TFDP2: variants seen among roughly 807,000 people sequenced by gnomAD.
The protein encoded by TFDP2 is transcription factor Dp-2.
In TFDP2, 17 loss-of-function variants were observed where a neutral mutation model predicts 59.3. That is an observed-to-expected ratio of 0.29 (90% CI 0.20 to 0.43). TFDP2 has a LOEUF of 0.43. Ranked by LOEUF, TFDP2 falls within the 20% of genes least tolerant of loss-of-function variation. TFDP2 has a pLI of 1.00. For synonymous variants in TFDP2, 180 were observed against 194.7 expected, an observed-to-expected ratio of 0.92 and a Z score of 0.63; for missense variants, 391 against 528.8, an observed-to-expected ratio of 0.74 and a Z score of 2.56.
intron 3 of TFDP2, among the ~76,000 whole-genome samples, chr3:142,064,404 G>T (rs964158217): frequency 1.3e-5 from 2 of 152,058 alleles, no homozygotes; most frequent in Non-Finnish European, 2.9e-5. Flanking sequence ...TCTCATGCTT[G>T]ATAAAATTCG....
chr3:142,115,045 G>A (rs73233896), intron 1 of TFDP2, among the ~76,000 whole-genome samples: 12,956 of 151,972 alleles, frequency 0.085, 695 homozygotes, highest in Middle Eastern at 0.14. Flanking sequence ...TACAAAGCAA[G>A]TCTTCCTTAA....
At chr3:142,141,998 A>G (rs757140787) in intron 1 of TFDP2, among the ~76,000 whole-genome samples, 2 of 152,210 alleles carry the variant, frequency 1.3e-5, no homozygotes, top group Non-Finnish European at 2.9e-5. Context: ...ATCATACTGA[A>G]TGGGGAAAAA....
At chr3:142,039,433 C>A (rs941699007) in intron 3 of TFDP2, among the ~76,000 whole-genome samples, 2 of 152,114 alleles carry the variant, frequency 1.3e-5, no homozygotes, top group Admixed American at 6.5e-5. Context: ...GTCACCCAGG[C>A]TGGAGTGTGG....
At chr3:141,965,148 CAA>C (rs1183852473) in intron 9 of TFDP2, among the ~76,000 whole-genome samples, 1 of 149,934 alleles carries the variant, frequency 6.7e-6, no homozygotes, top group Non-Finnish European at 1.5e-5. Flanking sequence ...GTATGCAGTT[CAA>C]GTTTTTCATC....
chr3:142,136,217 G>A (rs2062731912), intron 1 of TFDP2, among the ~76,000 whole-genome samples: 1 of 152,038 alleles, frequency 6.6e-6, no homozygotes, highest in Non-Finnish European at 1.5e-5. Flanking sequence ...AGAAGTATCT[G>A]TTCATATCCT....
chr3:142,014,792 T>G (rs1032735651), intron 3 of TFDP2, among the ~76,000 whole-genome samples: 4 of 152,266 alleles, frequency 2.6e-5, no homozygotes, highest in South Asian at 2.1e-4. Flanking sequence ...CACATAAACA[T>G]GCATAATTTC....
At chr3:142,117,094 T>C (rs1267765684) in intron 1 of TFDP2, among the ~76,000 whole-genome samples, 2 of 152,030 alleles carry the variant, frequency 1.3e-5, no homozygotes, top group Non-Finnish European at 2.9e-5. Context: ...GCTAATTTGG[T>C]ATTTTTAGTA....
chr3:142,138,618 C>T (rs2062822078), intron 1 of TFDP2, among the ~76,000 whole-genome samples: 1 of 152,180 alleles, frequency 6.6e-6, no homozygotes, highest in African/African-American at 2.4e-5. Context: ...GCCTTCATTT[C>T]ATTATGTACC....
chr3:142,054,771 A>G (rs1381151345), intron 3 of TFDP2, among the ~76,000 whole-genome samples: 1 of 152,192 alleles, frequency 6.6e-6, no homozygotes. Context: ...GGTCTGCAGT[A>G]AGTCATTTTA....
At chr3:142,079,425 CCTTAATAA>C (rs368595137) in intron 3 of TFDP2, among the ~76,000 whole-genome samples, 1 of 152,176 alleles carries the variant, frequency 6.6e-6, no homozygotes, top group African/African-American at 2.4e-5. Flanking sequence ...AAGTTGTTGG[CCTTAATAA>C]CTTAAGGTGG....
intron 1 of TFDP2, among the ~76,000 whole-genome samples, chr3:142,113,351 C>T (rs1031845384): frequency 7.2e-5 from 11 of 151,906 alleles, no homozygotes; most frequent in African/African-American, 2.7e-4. Context: ...CTCCGCCTCC[C>T]GGGTTCAAGC....
intron 3 of TFDP2, among the ~76,000 whole-genome samples, chr3:142,084,898 A>C (rs991721590): frequency 6.6e-6 from 1 of 151,982 alleles, no homozygotes; most frequent in Non-Finnish European, 1.5e-5. Context: ...AGAAAGAATA[A>C]ATAATATTTG....
chr3:142,005,637 G>T, intron 3 of TFDP2, 93 bp from the exon 4 acceptor site: 1 of 767,316 alleles, frequency 1.3e-6, no homozygotes, highest in Non-Finnish European at 2.0e-6. Flanking sequence ...TCATTATGTT[G>T]AGGTAATTTA....
At chr3:142,023,943 G>A (rs976034375) in intron 3 of TFDP2, among the ~76,000 whole-genome samples, 6 of 152,136 alleles carry the variant, frequency 3.9e-5, no homozygotes, top group African/African-American at 1.4e-4. Flanking sequence ...TGGGACCACA[G>A]GTGCGTGCCA....
intron 4 of TFDP2, among the ~76,000 whole-genome samples, chr3:142,004,841 T>G (rs1272918612): frequency 6.6e-6 from 1 of 152,106 alleles, no homozygotes; most frequent in Non-Finnish European, 1.5e-5. Context: ...ATAACACATT[T>G]CAAATCAATT....
chr3:142,030,402 G>A (rs1040446420), intron 3 of TFDP2, among the ~76,000 whole-genome samples: 1 of 152,104 alleles, frequency 6.6e-6, no homozygotes, highest in African/African-American at 2.4e-5. Flanking sequence ...AGATTTCAGA[G>A]GAGTTTTGAA....
chr3:142,028,359 T>C (rs1393426516), intron 3 of TFDP2, among the ~76,000 whole-genome samples: 1 of 152,140 alleles, frequency 6.6e-6, no homozygotes, highest in East Asian at 1.9e-4. Context: ...TTTTAATTAA[T>C]TTATATAAGT....
At chr3:142,008,102 C>G (rs980908867) in intron 3 of TFDP2, among the ~76,000 whole-genome samples, 8 of 152,106 alleles carry the variant, frequency 5.3e-5, no homozygotes, top group African/African-American at 1.9e-4. Flanking sequence ...GTGGAATCAC[C>G]TGGGGAACAA....
chr3:141,963,799 G>C lies in TFDP2; in HGVS notation c.884+13C>G, dbSNP rs764501881. ...AAGGCCAGCCCTGCACCCATCCCTA[G>C]TTCTCCACTCACTTGTCACTGGAGA... On this transcript the variant is annotated intron_variant, in intron 10 of 12. Coordinates refer to ENST00000489671, the MANE Select transcript of TFDP2 (RefSeq NM_001178139.2). 1.9e-6 allele frequency: 3 copies of C among 1,609,466 alleles called. No homozygotes were observed. The highest frequency in any genetic ancestry group is 2.5e-6 in the Non-Finnish European group (3 of 1,178,248).
Sources: allele counts gnomAD v4.1 joint callset (sites outside exome capture counted in the v4.1 genomes callset), GRCh38; gene constraint gnomAD v4.1.1; transcripts MANE v1.5; gene names NCBI Gene and HGNC (gene_info 2026-07-23, HGNC 2026-07-21).